LENG8: variants seen among roughly 807,000 people sequenced by gnomAD.
LENG8 encodes the protein leukocyte receptor cluster (LRC) member 8.
In LENG8, 28 loss-of-function variants were observed where a neutral mutation model predicts 102.1. That is an observed-to-expected ratio of 0.27 (90% CI 0.20 to 0.38). The LOEUF (loss-of-function observed/expected upper bound fraction) is 0.38. Among genes scored for constraint, LENG8 ranks in the 10% least tolerant of loss-of-function variants. The pLI is 1.00. For synonymous variants in LENG8, 531 were observed against 456.7 expected, an observed-to-expected ratio of 1.16 and a Z score of -2.07; for missense variants, 1,022 against 1,113.9, an observed-to-expected ratio of 0.92 and a Z score of 1.17.
chr19:54,460,529 C>T, intron 15 of LENG8: 1 of 1,402,280 alleles, frequency 7.1e-7, no homozygotes, highest in Non-Finnish European at 9.3e-7. Context: ...CCGCTCCTCC[C>T]TGGCCCCCGC....
intron 11 of LENG8, among the ~76,000 whole-genome samples, chr19:54,457,233 T>C (rs6509875): frequency 0.39 from 59,431 of 152,172 alleles, 12,195 homozygotes; most frequent in East Asian, 0.64. Context: ...GGGGGCTGTG[T>C]TTCCAGTGTT....
At position 54,458,922 on chromosome 19, in the gene LENG8, C is replaced by T. The variant is rs757317921; in HGVS notation, c.2240+401C>T. 70 of 1,529,522 alleles carry T rather than the reference C, an allele frequency of 4.6e-5. No homozygotes were observed. The South Asian group carries it at 7.2e-4, about 16-fold the overall frequency. The allele number at this position is 1,529,522 out of a possible 1,614,324, so 94.7% of individuals were successfully genotyped here. On this transcript the variant is annotated intron_variant, in intron 15 of 15. Coordinates refer to ENST00000326764, the MANE Select transcript of LENG8 (RefSeq NM_052925.4). ...CCCACCATAGAGACCATCTAGACAG[C>T]CTCTGGTCTACCAGGACAAGGCCCA...
chr19:54,458,723 T>C (rs1325775014), intron 15 of LENG8: 1 of 1,551,298 alleles, frequency 6.4e-7, no homozygotes, highest in East Asian at 2.4e-5. Context: ...GTGTTCCGGG[T>C]CACTCCTCTC....
At position 54,456,227 on chromosome 19, in the gene LENG8, C is replaced by G; in HGVS notation, c.1286C>G (p.Thr429Arg). 1 of 1,613,220 alleles carries G rather than the reference C, an allele frequency of 6.2e-7. No individual in the cohort carries two copies. Among genetic ancestry groups the G allele is most frequent in the Non-Finnish European group, 8.5e-7 (1 of 1,179,518 alleles). ...SRSRSSSRSP[T>R]RHFRRSDSHS... Reference sequence around the variant, plus strand: ...TCCCGCTCCTCCTCCAGGTCCCCGACGCGCCACTTCCGCAGAAGGTACTGA... The same window carrying G: ...TCCCGCTCCTCCTCCAGGTCCCCGAGGCGCCACTTCCGCAGAAGGTACTGA... The change falls in exon 9 of 16, where the codon ACG (threonine) becomes AGG (arginine). Residue 429 changes from threonine to arginine, a missense_variant. By Grantham distance (71) the Thr-to-Arg change is moderately conservative. Around this residue, in one of 7 missense-constraint regions of LENG8, gnomAD observed 326 missense variants for 324.5 expected, o/e 1.00. Coordinates refer to ENST00000326764, the MANE Select transcript of LENG8 (RefSeq NM_052925.4).
chr19:54,460,522 C>T, intron 15 of LENG8: 7 of 1,393,450 alleles, frequency 5.0e-6, no homozygotes, highest in Non-Finnish European at 6.5e-6. Context: ...CCCGTCCCCG[C>T]TCCTCCCTGG....
chr19:54,460,739 C>CCCT, intron 15 of LENG8, 27 bp from the exon 16 acceptor site: 1 of 1,458,750 alleles, frequency 6.9e-7, no homozygotes, highest in South Asian at 1.5e-5. Context: ...CCGCCCGCCT[C>CCCT]ATCACCTTCT....
In LENG8 at chr19:54,454,602, C is replaced by G; in HGVS notation, c.599C>G (p.Thr200Arg). 1 of 1,610,284 alleles carries G rather than the reference C, an allele frequency of 6.2e-7. No individual in the cohort carries two copies. The highest frequency in any genetic ancestry group is 8.5e-7 in the Non-Finnish European group (1 of 1,179,182). ...ATQHSQAGPA[T>R]GQAYGPHTYT... ...CAGCACAGCCAGGCGGGGCCCGCCA[C>G]GGGCCAGGCCTATGGGCCACACACC... The change falls in exon 6 of 16, where the codon ACG becomes AGG. Residue 200 changes from threonine (T) to arginine (R), a missense_variant. This residue lies in a region of LENG8 where 343 missense variants were observed against 320.2 expected (regional missense o/e 1.07). Coordinates refer to ENST00000326764, the MANE Select transcript of LENG8 (RefSeq NM_052925.4).
Position 54,454,488 on chromosome 19 carries a change from C to A in LENG8, c.485C>A (p.Pro162Gln). 6.2e-7 allele frequency: 1 copy of A among 1,613,794 alleles called. No homozygotes were observed. The highest frequency in any genetic ancestry group is 8.5e-7 in the Non-Finnish European group (1 of 1,179,822). Reference sequence around the variant, plus strand: ...TACCAGGCTCCCCCTCAGCAGCTGCCGTCGGCTCAGCCCCCTCAGCCCTCA... The same window carrying A: ...TACCAGGCTCCCCCTCAGCAGCTGCAGTCGGCTCAGCCCCCTCAGCCCTCA... Reference protein sequence around the residue: ...MSYQAPPQQLPSAQPPQPSNP... With the variant: ...MSYQAPPQQLQSAQPPQPSNP... Residue 162 changes from proline to glutamine, a missense_variant, in exon 6 of 16, where the codon CCG becomes CAG. Physicochemically the swap from Pro to Gln is moderately conservative, Grantham distance 76. This residue lies in a region of LENG8 where 343 missense variants were observed against 320.2 expected (regional missense o/e 1.07). Coordinates refer to ENST00000326764, the MANE Select transcript of LENG8 (RefSeq NM_052925.4).
Position 54,456,900 on chromosome 19 carries a change from G to T in LENG8, c.1710G>T (p.Pro570=). ...HYLRLTCAPD[P]STVRPVAVLK... ...TGCGCCTCACCTGTGCCCCCGACCC[G>T]TCCACCGTGCGCCCTGTGGCAGTAA... Residue 570 remains proline (P), a synonymous_variant, in exon 11 of 16, where the codon CCG becomes CCT. Coordinates refer to ENST00000326764, the MANE Select transcript of LENG8 (RefSeq NM_052925.4). 6.2e-7 allele frequency: 1 copy of T among 1,608,124 alleles called. No homozygotes were observed.
At chr19:54,455,211 A>G (rs1455915010) in intron 7 of LENG8, 119 bp downstream of exon 7, 5 of 1,514,502 alleles carry the variant, frequency 3.3e-6, no homozygotes, top group Non-Finnish European at 4.5e-6. Context: ...AAAGGGCAGA[A>G]GGACCCTCTC....
At chr19:54,455,935 G>T in intron 8 of LENG8, 32 bp from the exon 9 acceptor site, 2 of 1,591,010 alleles carry the variant, frequency 1.3e-6, no homozygotes, top group Non-Finnish European at 8.6e-7. Flanking sequence ...GTCTGGCGGG[G>T]TTGGTGACGC....
chr19:54,457,362 A>G (rs906383928), intron 11 of LENG8, among the ~76,000 whole-genome samples: 2 of 152,038 alleles, frequency 1.3e-5, no homozygotes, highest in African/African-American at 4.8e-5. Context: ...TTTTTTTGGG[A>G]GAGAGTCTGG....
At chr19:54,459,036 G>A in intron 15 of LENG8, 2 of 1,434,744 alleles carry the variant, frequency 1.4e-6, no homozygotes, top group Non-Finnish European at 1.8e-6. Context: ...GAGGCCCCTG[G>A]TCAGGCCATG....
In LENG8 at chr19:54,461,304, G is replaced by T. The variant is rs1395193286; in HGVS notation, c.*376G>T. On this transcript the variant is annotated 3_prime_UTR_variant, in exon 16 of 16. Transcript: ENST00000326764. Reference sequence around the variant, plus strand: ...TGGCCCATCCCATGCCGGGGGGCCAGTGGAAAGAAGACAGGCCGTCCAGCC... The same window carrying T: ...TGGCCCATCCCATGCCGGGGGGCCATTGGAAAGAAGACAGGCCGTCCAGCC... 4.3e-6 allele frequency: 2 copies of T among 465,484 alleles called. No homozygotes were observed. Among genetic ancestry groups the T allele is most frequent in the Non-Finnish European group, 8.5e-6 (2 of 236,016 alleles). 28.8% of individuals were successfully genotyped at this position (465,484 alleles called of 1,614,324 possible).
At chr19:54,459,618 T>A in intron 15 of LENG8, 3 of 994,958 alleles carry the variant, frequency 3.0e-6, no homozygotes, top group Non-Finnish European at 2.4e-6. Context: ...ATGGAGGCCT[T>A]GAGAGCCTGG....
chr19:54,457,699 A>C (rs765747399), intron 11 of LENG8, 48 bp from the exon 12 acceptor site: 1 of 1,372,700 alleles, frequency 7.3e-7, no homozygotes, highest in Non-Finnish European at 1.0e-6. Flanking sequence ...GCCGTTGGCC[A>C]CGCTACCTGA....
At position 54,456,931 on chromosome 19, in the gene LENG8, C is replaced by T. The variant is rs1599990070; in HGVS notation, c.1731+10C>T. On this transcript the variant is annotated intron_variant, in intron 11 of 15. Coordinates refer to ENST00000326764, the MANE Select transcript of LENG8 (RefSeq NM_052925.4). ...CGTGCGCCCTGTGGCAGTAAGTGCCCAGCAGGGCAGTTCTGCTCTGTGAGG... is the reference window on the plus strand; with the variant it reads ...CGTGCGCCCTGTGGCAGTAAGTGCCTAGCAGGGCAGTTCTGCTCTGTGAGG... The T allele has an allele frequency of 1.3e-6, 2 of 1,599,744 alleles. No individual in the cohort carries two copies. The highest frequency in any genetic ancestry group is 2.2e-5 in the South Asian group (2 of 90,130).
chr19:54,454,877 A>G, intron 6 of LENG8, 74 bp from the exon 7 acceptor site: 3 of 1,586,572 alleles, frequency 1.9e-6, no homozygotes, highest in East Asian at 4.5e-5. Context: ...CTGCATTTCC[A>G]CTTCCTCCCG....
rs2123243945 is a variant in LENG8, at chr19:54,461,761, TA to T, written c.*834del. 1.8e-6 allele frequency: 1 copy of T among 557,176 alleles called. No individual in the cohort carries two copies. Among genetic ancestry groups the T allele is most frequent in the African/African-American group, 1.9e-5 (1 of 53,526 alleles). The allele number at this position is 557,176 out of a possible 1,614,324, so 34.5% of individuals were successfully genotyped here. On this transcript the variant is annotated 3_prime_UTR_variant, in exon 16 of 16. Coordinates refer to ENST00000326764, the MANE Select transcript of LENG8 (RefSeq NM_052925.4). ...CTTCTCTTTTCTTTGTGTGTGTGTT[TA>T]TTTAAGTTATTTTTCTTCCTCCTCT...
Sources: gnomAD v4.1 joint callset for allele counts (sites outside exome capture counted in the v4.1 genomes callset) on GRCh38, gnomAD v4.1.1 for gene constraint, gnomAD v4.1.1 regional missense constraint, MANE v1.5 for transcripts, NCBI Gene and HGNC (gene_info 2026-07-23, HGNC 2026-07-21) for gene names.